Variants in PAPOLG observed in about 807,000 individuals in gnomAD.
PAPOLG encodes the protein poly(A) polymerase gamma, also known as PAP-gamma.
PAPOLG carries 40 observed loss-of-function variants against 99.0 expected under a neutral mutation model. The ratio of observed to expected loss-of-function variants is 0.40; its 90% CI spans 0.31 to 0.53. The LOEUF (loss-of-function observed/expected upper bound fraction) is 0.53. Ranked by LOEUF, PAPOLG falls within the 20% of genes least tolerant of loss-of-function variation. The probability of loss-of-function intolerance (pLI) is 0.41; values close to 1 mark genes in which losing one functional copy is unlikely to be tolerated. For missense variants in PAPOLG, 675 were observed against 884.1 expected (o/e 0.76, Z 3.00); for synonymous variants, 310 against 299.3 (o/e 1.04, Z -0.37).
chr2:60,798,163 G>C lies in PAPOLG; in HGVS notation c.*1003G>C, dbSNP rs530324791. On this transcript the variant is annotated 3_prime_UTR_variant, in exon 22 of 22. Transcript: ENST00000238714. ...TCACGGACTAGGCATGCAGAAATAAGCAGTGGATTTTATTGAAACCTAAAG... is the reference window on the plus strand; with the variant it reads ...TCACGGACTAGGCATGCAGAAATAACCAGTGGATTTTATTGAAACCTAAAG... 1.3e-5 allele frequency: 2 copies of C among 152,748 alleles called. No individual in the cohort carries two copies. Among genetic ancestry groups the C allele is most frequent in the Non-Finnish European group, 2.9e-5 (2 of 68,026 alleles). The allele number at this position is 152,748 out of a possible 1,614,324, so 9.5% of individuals were successfully genotyped here. A position where few individuals can be genotyped will look rare whatever the true frequency, so the allele number is the denominator to read the frequency against.
chr2:60,794,293 C>T, intron 19 of PAPOLG, 102 bp downstream of exon 19: 8 of 1,190,028 alleles, frequency 6.7e-6, no homozygotes, highest in Non-Finnish European at 9.2e-6. Flanking sequence ...TAGGAGTTGG[C>T]TGAAAAGAAT....
intron 7 of PAPOLG, among the ~76,000 whole-genome samples, chr2:60,773,598 C>T (rs1018201032): frequency 2.6e-5 from 4 of 151,842 alleles, no homozygotes; most frequent in African/African-American, 9.7e-5. Flanking sequence ...TCCCTTTATT[C>T]ATGCATGATT....
chr2:60,787,491 T>C lies in PAPOLG; in HGVS notation c.1287-20T>C. The stretch of plus-strand genomic sequence containing the variant: ...AAAAATAATAATAATTAATGGAAAT[T>C]CTTAAATTTTACTTTATAGCAACAA... On this transcript the variant is annotated intron_variant, in intron 14 of 21. Coordinates refer to ENST00000238714, the MANE Select transcript of PAPOLG (RefSeq NM_022894.4). The C allele has an allele frequency of 6.3e-7, 1 of 1,591,738 alleles. No individual in the cohort carries two copies. Among genetic ancestry groups the C allele is most frequent in the Non-Finnish European group, 8.5e-7 (1 of 1,171,238 alleles).
intron 11 of PAPOLG, 118 bp from the exon 12 acceptor site, chr2:60,782,568 A>G: frequency 7.4e-7 from 1 of 1,349,506 alleles, no homozygotes; most frequent in South Asian, 1.6e-5. Flanking sequence ...AAAAAAGAAA[A>G]AAAAAAATTT....
At position 60,794,862 on chromosome 2, in the gene PAPOLG, T is replaced by G. The variant is rs140245324; in HGVS notation, c.2055+87T>G. 14 of 1,552,676 alleles carry G rather than the reference T, an allele frequency of 9.0e-6. No individual in the cohort carries two copies. The African/African-American group carries it at 1.5e-4, about 17-fold the overall frequency. On this transcript the variant is annotated intron_variant, in intron 20 of 21. Coordinates refer to ENST00000238714, the MANE Select transcript of PAPOLG (RefSeq NM_022894.4). Reference sequence around the variant, plus strand: ...TGCCATATTAGAAAGTAGGTCAGATTAGATTTATTTTCAGGTTTTCGTTAG... The same window carrying G: ...TGCCATATTAGAAAGTAGGTCAGATGAGATTTATTTTCAGGTTTTCGTTAG...
At chr2:60,760,353 C>G (rs201864293) in intron 2 of PAPOLG, 58 bp downstream of exon 2, 1 of 1,471,276 alleles carries the variant, frequency 6.8e-7, no homozygotes, top group Non-Finnish European at 9.4e-7. Flanking sequence ...ATTAATTCTG[C>G]GAACATATTG....
chr2:60,776,061 C>T (rs1431450768), intron 8 of PAPOLG, among the ~76,000 whole-genome samples: 1 of 152,160 alleles, frequency 6.6e-6, no homozygotes, highest in African/African-American at 2.4e-5. Context: ...TCAAGCCCGG[C>T]TCCAAAATGT....
At chr2:60,768,745 A>T in intron 4 of PAPOLG, 36 bp from the exon 5 acceptor site, 1 of 1,475,766 alleles carries the variant, frequency 6.8e-7, no homozygotes, top group Non-Finnish European at 9.1e-7. Context: ...TATAACACAT[A>T]ATATATTCTT....
At chr2:60,786,834 G>A (rs1030827575) in intron 13 of PAPOLG, 113 bp from the exon 14 acceptor site, 2 of 1,362,524 alleles carry the variant, frequency 1.5e-6, no homozygotes, top group Non-Finnish European at 2.0e-6. Context: ...CCAGCCCGAA[G>A]TTTTTTAATG....
At chr2:60,780,889 T>C in intron 10 of PAPOLG, 110 bp downstream of exon 10, 1 of 899,504 alleles carries the variant, frequency 1.1e-6, no homozygotes, top group Non-Finnish European at 1.8e-6. Flanking sequence ...TCCTTCTATA[T>C]AACTATAGTC....
chr2:60,791,835 C>A lies in PAPOLG; in HGVS notation c.1471C>A (p.Gln491Lys), dbSNP rs781134330. The change falls in exon 16 of 22, where the codon CAA becomes AAA. Residue 491 changes from glutamine to lysine, a missense_variant. This residue lies in a region of PAPOLG where 413 missense variants were observed against 460.5 expected (regional missense o/e 0.90). Coordinates refer to ENST00000238714, the MANE Select transcript of PAPOLG (RefSeq NM_022894.4). ...TGAAGCAACTCATGTAAAGAAAAAA[C>A]AACTTCACCACTACCTTCCTGCAGA... is the stretch of plus-strand genomic sequence containing the variant. The part of the protein sequence containing the change: ...KIEATHVKKK[Q>K]LHHYLPAEIL... 3 of 1,613,468 alleles carry A rather than the reference C, an allele frequency of 1.9e-6. No homozygotes were observed. The highest frequency in any genetic ancestry group is 2.2e-5 in the South Asian group (2 of 91,042).
intron 1 of PAPOLG, among the ~76,000 whole-genome samples, chr2:60,757,094 T>G (rs953690157): frequency 2.0e-5 from 3 of 152,232 alleles, no homozygotes; most frequent in Non-Finnish European, 4.4e-5. Flanking sequence ...AAGATTTTGT[T>G]GTAGCTTCTT....
At chr2:60,791,672 A>G in intron 15 of PAPOLG, 89 bp from the exon 16 acceptor site, 2 of 1,474,540 alleles carry the variant, frequency 1.4e-6, no homozygotes, top group East Asian at 2.3e-5. Context: ...TAGTGGGGAG[A>G]TAGTAAAAGT....
chr2:60,782,500 T>C (rs1671219578), intron 11 of PAPOLG, 186 bp from the exon 12 acceptor site: 1 of 768,840 alleles, frequency 1.3e-6, no homozygotes, highest in South Asian at 5.9e-5. Flanking sequence ...GAGGTTGCAG[T>C]GAGCCGAGAT....
intron 21 of PAPOLG, among the ~76,000 whole-genome samples, chr2:60,795,912 G>T (rs1671680085): frequency 6.6e-6 from 1 of 152,010 alleles, no homozygotes; most frequent in South Asian, 2.1e-4. Context: ...GGATATTGAA[G>T]TACAAAAGAG....
At chr2:60,779,579 AAAG>A (rs761864136) in intron 8 of PAPOLG, 55 bp from the exon 9 acceptor site, 46 of 1,525,078 alleles carry the variant, frequency 3.0e-5, no homozygotes, top group Admixed American at 3.8e-5. Context: ...GCAGAAAAAA[AAAG>A]AATGTCACAG....
At chr2:60,773,352 A>C (rs75143008) in intron 7 of PAPOLG, among the ~76,000 whole-genome samples, 4,052 of 152,186 alleles carry the variant, frequency 0.027, 75 homozygotes, top group Non-Finnish European at 0.04. Context: ...AATCTGCTTT[A>C]TTTCTTTGTA....
At chr2:60,757,568 C>T (rs1302848066) in intron 1 of PAPOLG, among the ~76,000 whole-genome samples, 1 of 152,154 alleles carries the variant, frequency 6.6e-6, no homozygotes, top group Non-Finnish European at 1.5e-5. Context: ...TTTAGCACAA[C>T]ATAGTATCTC....
intron 3 of PAPOLG, among the ~76,000 whole-genome samples, chr2:60,765,020 T>C (rs1670631803): frequency 6.6e-6 from 1 of 152,158 alleles, no homozygotes; most frequent in African/African-American, 2.4e-5. Flanking sequence ...ACATCTTCCA[T>C]TGAGCAGATG....
Sources: allele counts gnomAD v4.1 joint callset (sites outside exome capture counted in the v4.1 genomes callset), GRCh38; gene constraint gnomAD v4.1.1; regional missense constraint gnomAD v4.1.1; transcripts MANE v1.5; gene names NCBI Gene and HGNC (gene_info 2026-07-23, HGNC 2026-07-21).